The following PCDHA6 variants were observed in gnomAD, a reference collection of about 807,000 sequenced individuals.
The protein encoded by PCDHA6 is protocadherin alpha 6, also known as protocadherin alpha-6.
A neutral mutation model predicts 60.3 loss-of-function variants in PCDHA6; 55 were observed. The observed-to-expected ratio is 0.91, with a 90% CI of 0.73 to 1.14. The LOEUF (loss-of-function observed/expected upper bound fraction) is 1.14. Among genes scored for constraint, PCDHA6 ranks in the 50% most tolerant of loss-of-function variants. PCDHA6 has a pLI of 0.00. For synonymous variants in PCDHA6, 652 were observed against 557.9 expected (o/e 1.17, Z -2.38); for missense variants, 1,327 against 1,256.5 (o/e 1.06, Z -0.85).
At chr5:140,888,551 T>G (rs2061873493) in intron 1 of PCDHA6, among the ~76,000 whole-genome samples, 1 of 152,240 alleles carries the variant, frequency 6.6e-6, no homozygotes, top group Admixed American at 6.5e-5. Flanking sequence ...TACCAATTTA[T>G]TCCTTTCAAG....
At chr5:140,934,013 A>G (rs2089566693) in intron 1 of PCDHA6, among the ~76,000 whole-genome samples, 1 of 151,836 alleles carries the variant, frequency 6.6e-6, no homozygotes. Context: ...TTTCTTGACT[A>G]GACTTGGAAG....
chr5:140,843,055 C>G lies in PCDHA6; in HGVS notation c.2394+12570C>G, dbSNP rs2150351247. 2.5e-6 allele frequency: 4 copies of G among 1,594,954 alleles called. No homozygotes were observed. In the African/African-American group the frequency reaches 4.0e-5, roughly 16 times the overall value. Reference sequence around the variant, plus strand: ...TGGGTGGCACTGGTGGCGCAGCGAGCAAGCTGGTGCCGCGGTCTGTGGGCG... The same window carrying G: ...TGGGTGGCACTGGTGGCGCAGCGAGGAAGCTGGTGCCGCGGTCTGTGGGCG... On this transcript the variant is annotated intron_variant, in intron 1 of 3. Transcript: ENST00000529310.
chr5:140,846,294 A>G (rs2150386529), intron 1 of PCDHA6, among the ~76,000 whole-genome samples: 1 of 149,296 alleles, frequency 6.7e-6, no homozygotes, highest in Non-Finnish European at 1.5e-5. Flanking sequence ...AGTTCTATGA[A>G]TTAAGTAAAC....
intron 1 of PCDHA6, chr5:140,862,474 T>C (rs1342820666): frequency 2.6e-6 from 1 of 377,454 alleles, no homozygotes. Flanking sequence ...AGCAAATCTA[T>C]CCATTGTTGG....
rs527332783 is a variant in PCDHA6, at chr5:140,855,952, A to G, written c.2394+25467A>G. Reference sequence around the variant, plus strand: ...TCATTCTGAGATCTCAGCCATTTCGATAAAAAATAGATATAAGAAATAGGA... The same window carrying G: ...TCATTCTGAGATCTCAGCCATTTCGGTAAAAAATAGATATAAGAAATAGGA... On this transcript the variant is annotated intron_variant, in intron 1 of 3. Transcript: ENST00000529310. The G allele has an allele frequency of 2.9e-6, 4 of 1,380,786 alleles. No individual in the cohort carries two copies. The African/African-American group carries it at 5.8e-5, about 20-fold the overall frequency. The allele number at this position is 1,380,786 out of a possible 1,614,324, so 85.5% of individuals were successfully genotyped here.
intron 1 of PCDHA6, chr5:140,858,468 G>A: frequency 6.6e-7 from 1 of 1,521,202 alleles, no homozygotes; most frequent in East Asian, 2.4e-5. Context: ...TTCCTTTTGT[G>A]CTTTATGAAT....
chr5:140,926,537 T>G, intron 1 of PCDHA6: 10 of 211,562 alleles, frequency 4.7e-5, no homozygotes, highest in Non-Finnish European at 7.4e-5. Flanking sequence ...GCAGCCAGCG[T>G]GGTGGTCGAG....
At chr5:140,969,232 C>G in intron 1 of PCDHA6, 1 of 1,614,066 alleles carries the variant, frequency 6.2e-7, no homozygotes, top group Non-Finnish European at 8.5e-7. Flanking sequence ...CTTCGGGAGC[C>G]CAAGCAGCAG....
intron 1 of PCDHA6, among the ~76,000 whole-genome samples, chr5:140,950,542 A>G (rs1332265340): frequency 1.3e-5 from 2 of 152,014 alleles, no homozygotes; most frequent in Non-Finnish European, 2.9e-5. Flanking sequence ...TTGCTCTTGC[A>G]TGGCTGGGGG....
In PCDHA6 at chr5:140,830,149, C is replaced by T. The variant is rs2150181952; in HGVS notation, c.2058C>T (p.Ala686=). The stretch of plus-strand genomic sequence containing the variant: ...CGTCATCACGGGCGTCGGTGGGCGC[C>T]GCGGGCCCAGAGGCGGCGCTGGTGG... ...PKASSRASVG[A]AGPEAALVDV... The change falls in exon 1 of 4, where the codon GCC becomes GCT. Residue 686 remains alanine, a synonymous_variant. Transcript: ENST00000529310. 8 of 1,613,338 alleles carry T rather than the reference C, an allele frequency of 5.0e-6. No individual in the cohort carries two copies. In the East Asian group the frequency reaches 6.7e-5, roughly 13 times the overall value.
intron 1 of PCDHA6, chr5:140,831,144 A>G (rs1281536206): frequency 6.6e-6 from 1 of 152,224 alleles, no homozygotes; most frequent in Non-Finnish European, 1.5e-5. Context: ...TGATTTATTT[A>G]CTACCGATCT....
chr5:140,857,703 T>C (rs782327503), intron 1 of PCDHA6: 6 of 1,597,222 alleles, frequency 3.8e-6, no homozygotes, highest in Middle Eastern at 1.8e-4. Flanking sequence ...ACGCTGCAGG[T>C]GTTCGTGCTG....
At chr5:140,833,940 T>A (rs2150212257) in intron 1 of PCDHA6, among the ~76,000 whole-genome samples, 16 of 152,236 alleles carry the variant, frequency 1.1e-4, no homozygotes, top group Non-Finnish European at 1.9e-4. Context: ...GTCACTTAGG[T>A]TTCTATCTTT....
chr5:141,005,475 G>A (rs1011400158), intron 3 of PCDHA6, among the ~76,000 whole-genome samples: 8 of 151,670 alleles, frequency 5.3e-5, no homozygotes, highest in African/African-American at 1.9e-4. Flanking sequence ...AGGCCGAGAC[G>A]GGCGGATCAT....
At chr5:141,007,977 T>A (rs564286183) in intron 3 of PCDHA6, among the ~76,000 whole-genome samples, 20 of 152,362 alleles carry the variant, frequency 1.3e-4, no homozygotes, top group African/African-American at 4.8e-4. Flanking sequence ...GTCTGTCATG[T>A]ATATATGAAA....
At chr5:140,834,144 T>G (rs2150213774) in intron 1 of PCDHA6, 1 of 515,130 alleles carries the variant, frequency 1.9e-6, no homozygotes, top group South Asian at 3.2e-5. Context: ...ATTAATAGTT[T>G]GTAATGGTTT....
intron 1 of PCDHA6, among the ~76,000 whole-genome samples, chr5:140,962,075 C>T (rs999623991): frequency 6.6e-6 from 1 of 151,836 alleles, no homozygotes; most frequent in South Asian, 2.1e-4. Context: ...TTAGTAGAGA[C>T]GGGGTTTCAC....
At chr5:140,877,417 G>T (rs782190793) in intron 1 of PCDHA6, 5 of 1,613,822 alleles carry the variant, frequency 3.1e-6, no homozygotes, top group Admixed American at 1.7e-5. Context: ...CCGCCTGCTG[G>T]TGCTGGTGAA....
Position 140,839,190 on chromosome 5 carries a change from A to G in PCDHA6, c.2394+8705A>G, listed in dbSNP as rs185787528. Among the ~76,000 whole-genome samples, 211 of 138,022 alleles carry G rather than the reference A, an allele frequency of 1.5e-3. 1 individual carries two copies. The highest frequency in any genetic ancestry group is 4.2e-3 in the Admixed American group (57 of 13,704). The allele number at this position is 138,022 out of a possible 152,430, so 90.5% of individuals were successfully genotyped here. A position where few individuals can be genotyped will look rare whatever the true frequency, so the allele number is the denominator to read the frequency against. ...GATATTCAGTTTTGTGGAAAAATCTATAAATATCTTTGACCTTCAAAGATG... is the reference window on the plus strand; with the variant it reads ...GATATTCAGTTTTGTGGAAAAATCTGTAAATATCTTTGACCTTCAAAGATG... On this transcript the variant is annotated intron_variant, in intron 1 of 3. Transcript: ENST00000529310.
Sources: allele counts gnomAD v4.1 joint callset (sites outside exome capture counted in the v4.1 genomes callset), GRCh38; gene constraint gnomAD v4.1.1; transcripts MANE v1.5; gene names NCBI Gene and HGNC (gene_info 2026-07-23, HGNC 2026-07-21).